C8orf34: variants seen among roughly 807,000 people sequenced by gnomAD.
C8orf34 encodes the protein uncharacterized protein C8orf34.
Under a neutral mutation model 68.3 loss-of-function variants are expected in C8orf34, and 65 were observed. That is an observed-to-expected ratio of 0.95 (90% CI 0.78 to 1.17). C8orf34 has a LOEUF of 1.17. Ranked by LOEUF, C8orf34 falls within the 50% of genes most tolerant of loss-of-function variation. The pLI is 0.00. For synonymous variants in C8orf34, 244 were observed against 241.2 expected, an observed-to-expected ratio of 1.01 and a Z score of -0.11; for missense variants, 664 against 655.4, an observed-to-expected ratio of 1.01 and a Z score of -0.14.
chr8:68,544,505 T>G (rs1815805620), intron 7 of C8orf34, among the ~76,000 whole-genome samples: 1 of 152,064 alleles, frequency 6.6e-6, no homozygotes, highest in African/African-American at 2.4e-5. Context: ...TCAACATCCT[T>G]TAGAGAAGAC....
chr8:68,728,878 T>C (rs1029543922), intron 10 of C8orf34, among the ~76,000 whole-genome samples: 3 of 152,204 alleles, frequency 2.0e-5, no homozygotes, highest in Non-Finnish European at 4.4e-5. Flanking sequence ...GCTTTTACCC[T>C]TTTCACTCTT....
chr8:68,789,989 G>A (rs1411598653), intron 12 of C8orf34, among the ~76,000 whole-genome samples: 1 of 152,092 alleles, frequency 6.6e-6, no homozygotes. Flanking sequence ...CCTTGACAAT[G>A]GTAAATTGCT....
intron 4 of C8orf34, among the ~76,000 whole-genome samples, chr8:68,478,229 C>T (rs1273544995): frequency 5.3e-5 from 8 of 151,466 alleles, no homozygotes; most frequent in Admixed American, 6.6e-5. Context: ...CTCTCAAGTT[C>T]AAAGATCCAC....
chr8:68,518,739 T>C (rs995959274), intron 5 of C8orf34, among the ~76,000 whole-genome samples: 7 of 151,970 alleles, frequency 4.6e-5, no homozygotes, highest in Admixed American at 3.9e-4. Flanking sequence ...CTACTAAAAC[T>C]ACAAAAATTA....
chr8:68,732,044 G>T (rs572547746), intron 10 of C8orf34, among the ~76,000 whole-genome samples: 2 of 152,322 alleles, frequency 1.3e-5, no homozygotes, highest in South Asian at 2.1e-4. Context: ...TGATGTGAAG[G>T]TGTTGGGACA....
At chr8:68,525,470 T>C (rs898103049) in intron 6 of C8orf34, 1 of 585,336 alleles carries the variant, frequency 1.7e-6, no homozygotes, top group Non-Finnish European at 3.0e-6. Context: ...CAAATTTCTT[T>C]TTGGTTTCCC....
At chr8:68,586,949 A>G (rs1313338119) in intron 7 of C8orf34, among the ~76,000 whole-genome samples, 2 of 152,130 alleles carry the variant, frequency 1.3e-5, no homozygotes, top group Non-Finnish European at 2.9e-5. Flanking sequence ...CTTCCATGCT[A>G]TGACTAATTG....
intron 1 of C8orf34, among the ~76,000 whole-genome samples, chr8:68,416,406 C>T (rs1809666935): frequency 6.6e-6 from 1 of 152,020 alleles, no homozygotes; most frequent in Admixed American, 6.6e-5. Flanking sequence ...CTATTTTGTT[C>T]TCATTCATAT....
intron 2 of C8orf34, among the ~76,000 whole-genome samples, chr8:68,445,223 C>T (rs936717222): frequency 6.6e-6 from 1 of 152,022 alleles, no homozygotes; most frequent in Non-Finnish European, 1.5e-5. Context: ...TTGAGGAATC[C>T]ATTAATGTGT....
rs376950918 is a variant in C8orf34, at chr8:68,663,883, A to G, written c.1241+23372A>G. On this transcript the variant is annotated intron_variant, in intron 8 of 13. Coordinates refer to ENST00000518698, the MANE Select transcript of C8orf34 (RefSeq NM_052958.4). Reference sequence around the variant, plus strand: ...ACTGCAAAATAGACAATAAGTTTAGAGACAAAGTGTTTGGGGCAAAGAAAG... The same window carrying G: ...ACTGCAAAATAGACAATAAGTTTAGGGACAAAGTGTTTGGGGCAAAGAAAG... Among the ~76,000 whole-genome samples, 19 of 152,332 alleles carry G rather than the reference A, an allele frequency of 1.2e-4. No individual in the cohort carries two copies. The East Asian group carries it at 3.3e-3, about 26-fold the overall frequency.
At chr8:68,506,399 A>G (rs1189507408) in intron 5 of C8orf34, among the ~76,000 whole-genome samples, 1 of 152,230 alleles carries the variant, frequency 6.6e-6, no homozygotes, top group African/African-American at 2.4e-5. Flanking sequence ...AGGTCTCACT[A>G]TATTACCCAA....
chr8:68,361,697 A>T (rs1485958436), intron 1 of C8orf34, among the ~76,000 whole-genome samples: 5 of 152,188 alleles, frequency 3.3e-5, no homozygotes, highest in East Asian at 3.9e-4. Context: ...TGTCTTTCTA[A>T]CTATATTGTT....
intron 8 of C8orf34, among the ~76,000 whole-genome samples, chr8:68,681,395 C>A (rs1343407961): frequency 6.6e-6 from 1 of 152,166 alleles, no homozygotes; most frequent in Admixed American, 6.6e-5. Context: ...GCCGGTCCCT[C>A]CATTCAGGCT....
intron 4 of C8orf34, among the ~76,000 whole-genome samples, chr8:68,487,610 C>A (rs1203727126): frequency 2.6e-5 from 4 of 152,186 alleles, no homozygotes; most frequent in Non-Finnish European, 5.9e-5. Context: ...TCATCTTGGA[C>A]CACCATTCTG....
intron 5 of C8orf34, among the ~76,000 whole-genome samples, chr8:68,505,812 C>G (rs1401420519): frequency 2.0e-5 from 3 of 151,032 alleles, no homozygotes; most frequent in African/African-American, 7.3e-5. Context: ...TTGAAGTTAA[C>G]TGAGGAATAA....
rs1234895439 is a variant in C8orf34 at position 68,640,478 on chromosome 8, A to G, written c.1208A>G (p.Lys403Arg). 3.7e-6 allele frequency: 6 copies of G among 1,613,868 alleles called. No individual in the cohort carries two copies. Among genetic ancestry groups the G allele is most frequent in the African/African-American group, 1.3e-5 (1 of 74,930 alleles). ...RPTYPAEPQA[K>R]VTLNICSRCA... ...ACTTACCCTGCTGAGCCTCAGGCCA[A>G]GGTCACACTGAACATCTGTTCAAGG... The change falls in exon 8 of 14, where the codon AAG becomes AGG. Residue 403 changes from lysine to arginine, a missense_variant. Physicochemically the swap from Lys to Arg is conservative, Grantham distance 26. Transcript: ENST00000518698.
intron 7 of C8orf34, among the ~76,000 whole-genome samples, chr8:68,635,797 A>C (rs1271837541): frequency 6.6e-6 from 1 of 152,052 alleles, no homozygotes; most frequent in East Asian, 1.9e-4. Flanking sequence ...TGAGAAACAC[A>C]CTCTCCTCTT....
chr8:68,522,544 A>AT (rs1326975557), intron 6 of C8orf34, among the ~76,000 whole-genome samples: 4 of 152,082 alleles, frequency 2.6e-5, no homozygotes, highest in Non-Finnish European at 5.9e-5. Context: ...CCATACTTTG[A>AT]TTTTACTTAG....
At chr8:68,517,230 A>G (rs113259792) in intron 5 of C8orf34, among the ~76,000 whole-genome samples, 3,025 of 152,278 alleles carry the variant, frequency 0.02, 106 homozygotes, top group African/African-American at 0.069. Context: ...ATAAAGATCT[A>G]TGGAAGGATG....
Sources: gnomAD v4.1 joint callset for allele counts (sites outside exome capture counted in the v4.1 genomes callset) on GRCh38, gnomAD v4.1.1 for gene constraint, MANE v1.5 for transcripts, NCBI Gene and HGNC (gene_info 2026-07-23, HGNC 2026-07-21) for gene names.